IFT80: variants seen among roughly 807,000 people sequenced by gnomAD.
IFT80 encodes intraflagellar transport protein 80 homolog.
A neutral mutation model predicts 107.9 loss-of-function variants in IFT80; 79 were observed. The observed-to-expected ratio is 0.73, with a 90% confidence interval of 0.61 to 0.88. The LOEUF (loss-of-function observed/expected upper bound fraction) is 0.88, where lower values mean the gene tolerates loss of function less well. Ranked by LOEUF, IFT80 falls within the 40% of genes least tolerant of loss-of-function variation. The probability of loss-of-function intolerance (pLI) is 0.00; values close to 1 mark genes in which losing one functional copy is unlikely to be tolerated. For synonymous variants in IFT80, 299 were observed against 300.9 expected, an observed-to-expected ratio of 0.99 and a Z score of 0.07; for missense variants, 797 against 914.2, an observed-to-expected ratio of 0.87 and a Z score of 1.65.
chr3:160,275,344 T>C (rs536865645), intron 18 of IFT80, among the ~76,000 whole-genome samples: 9 of 152,300 alleles, frequency 5.9e-5, no homozygotes, highest in African/African-American at 1.9e-4. Flanking sequence ...AAAATGATTA[T>C]TAATGGTCAC....
chr3:160,311,644 T>G (rs1206427168), intron 9 of IFT80, among the ~76,000 whole-genome samples: 1 of 151,868 alleles, frequency 6.6e-6, no homozygotes, highest in Non-Finnish European at 1.5e-5. Flanking sequence ...GAAGAGGAGG[T>G]TGTAGTGGTC....
chr3:160,349,585 C>A (rs1414308520), intron 8 of IFT80, among the ~76,000 whole-genome samples: 1 of 152,032 alleles, frequency 6.6e-6, no homozygotes, highest in Admixed American at 6.6e-5. Context: ...TCTTATATAT[C>A]TGATATTGAA....
In IFT80 at chr3:160,341,072, T is replaced by C. The variant is rs562898198; in HGVS notation, c.777+14941A>G. On this transcript the variant is annotated intron_variant, in intron 8 of 19. Transcript: ENST00000326448. ...CTCTGTCACCCATGCTGGAGTGCAGTGGCACAATCATGGCTTACTGCAGCC... is the reference window on the plus strand; with the variant it reads ...CTCTGTCACCCATGCTGGAGTGCAGCGGCACAATCATGGCTTACTGCAGCC... Among the ~76,000 whole-genome samples, 14 of 152,202 alleles carry C rather than the reference T, an allele frequency of 9.2e-5. No homozygotes were observed. In the South Asian group the frequency reaches 2.7e-3, roughly 29 times the overall value.
chr3:160,287,153 G>A (rs1715153390), intron 12 of IFT80, among the ~76,000 whole-genome samples: 1 of 152,204 alleles, frequency 6.6e-6, no homozygotes, highest in Non-Finnish European at 1.5e-5. Context: ...GATGAGCTGG[G>A]AAGGTGATGT....
chr3:160,315,289 C>T (rs1451351786), intron 9 of IFT80, among the ~76,000 whole-genome samples: 1 of 152,176 alleles, frequency 6.6e-6, no homozygotes, highest in Non-Finnish European at 1.5e-5. Flanking sequence ...TATGCATTGT[C>T]TCCAGTGAGC....
intron 1 of IFT80, among the ~76,000 whole-genome samples, chr3:160,387,539 C>G (rs1181323564): frequency 6.6e-6 from 1 of 151,966 alleles, no homozygotes; most frequent in Non-Finnish European, 1.5e-5. Context: ...TAAAAAATGA[C>G]TGTAAAGTTT....
intron 3 of IFT80, among the ~76,000 whole-genome samples, chr3:160,381,266 T>TATATATATA (rs1553766638): frequency 1.3e-4 from 9 of 70,662 alleles, no homozygotes; most frequent in Non-Finnish European, 2.4e-4. Flanking sequence ...ATATATATAT[T>TATATATATA]AAAGCCAAAG....
intron 12 of IFT80, among the ~76,000 whole-genome samples, chr3:160,297,977 T>A (rs532750109): frequency 4.6e-5 from 7 of 152,234 alleles, no homozygotes; most frequent in African/African-American, 1.4e-4. Flanking sequence ...GAGTAACTAC[T>A]CCCCAACTTC....
intron 6 of IFT80, among the ~76,000 whole-genome samples, chr3:160,358,523 T>C (rs1448739922): frequency 6.6e-6 from 1 of 152,126 alleles, no homozygotes; most frequent in Non-Finnish European, 1.5e-5. Context: ...CATTCATTCT[T>C]TGGTATACAG....
At chr3:160,350,030 ATAAC>A (rs1314359743) in intron 8 of IFT80, among the ~76,000 whole-genome samples, 2 of 152,200 alleles carry the variant, frequency 1.3e-5, no homozygotes, top group East Asian at 1.9e-4. Context: ...CTATAATTAA[ATAAC>A]TGAGTGTATA....
Position 160,299,395 on chromosome 3 carries a change from G to T in IFT80, c.1315+1488C>A, listed in dbSNP as rs185837124. 1.9e-4 allele frequency: 41 copies of T among 220,014 alleles called. No homozygotes were observed. In the Admixed American group the frequency reaches 2.3e-3, roughly 12 times the overall value. 13.6% of individuals were successfully genotyped at this position (220,014 alleles called of 1,614,324 possible). On this transcript the variant is annotated intron_variant, in intron 12 of 19. Coordinates refer to ENST00000326448, the MANE Select transcript of IFT80 (RefSeq NM_020800.3). ...GGACAGTTTCTAGTTCATGAATTAG[G>T]TCTTCCGTGGTGTGAACTAACAAAA...
intron 2 of IFT80, chr3:160,383,357 T>A (rs1712676829): frequency 1.6e-6 from 1 of 631,856 alleles, no homozygotes; most frequent in South Asian, 7.1e-5. Context: ...GTAAAAACTA[T>A]TTAAGGGGGA....
chr3:160,345,485 G>A (rs1359510276), intron 8 of IFT80, among the ~76,000 whole-genome samples: 5 of 152,098 alleles, frequency 3.3e-5, no homozygotes, highest in East Asian at 3.9e-4. Flanking sequence ...TCAAGAGTTC[G>A]AGACCAGCCT....
rs528819469 is a variant in IFT80, at chr3:160,376,284, T to C, written c.371-404A>G. On this transcript the variant is annotated intron_variant, in intron 4 of 19. Coordinates refer to ENST00000326448, the MANE Select transcript of IFT80 (RefSeq NM_020800.3). ...AAATTCCAGTGAGTTGGGGACTGAATGAAGTGAGGTAATAGACTACTCTTT... is the reference window on the plus strand; with the variant it reads ...AAATTCCAGTGAGTTGGGGACTGAACGAAGTGAGGTAATAGACTACTCTTT... 5.9e-5 allele frequency among the ~76,000 whole-genome samples: 9 copies of C among 152,322 alleles called. No individual in the cohort carries two copies. The South Asian group carries it at 1.9e-3, about 32-fold the overall frequency.
chr3:160,279,369 T>TG lies in IFT80; in HGVS notation c.1665-6dup, dbSNP rs776932992. The TG allele has an allele frequency of 3.1e-6, 5 of 1,611,230 alleles. No individual in the cohort carries two copies. The South Asian group carries it at 3.3e-5, about 11-fold the overall frequency. ...TGGGGATTTTTACTAAATTCACTGT[T>TG]GAAAAAAAAAGCAAAGTACAATTTA... On this transcript the variant is annotated splice_region_variant and splice_polypyrimidine_tract_variant and intron_variant, in intron 15 of 19. Transcript: ENST00000326448.
At chr3:160,281,836 G>C (rs2108233376) in intron 14 of IFT80, among the ~76,000 whole-genome samples, 1 of 152,322 alleles carries the variant, frequency 6.6e-6, no homozygotes, top group East Asian at 1.9e-4. Context: ...CCACCCAAGG[G>C]AAGAATTAGG....
chr3:160,298,036 TG>T (rs1716124981), intron 12 of IFT80, among the ~76,000 whole-genome samples: 1 of 152,138 alleles, frequency 6.6e-6, no homozygotes, highest in Non-Finnish European at 1.5e-5. Context: ...AGCATATCTG[TG>T]CAAAGTGAAT....
In IFT80 at chr3:160,356,251, C is replaced by T. The variant is rs1216671525; in HGVS notation, c.640-101G>A. 4.9e-6 allele frequency: 5 copies of T among 1,021,546 alleles called. No homozygotes were observed. In the East Asian group the frequency reaches 1.1e-4, roughly 22 times the overall value. 63.3% of individuals were successfully genotyped at this position (1,021,546 alleles called of 1,614,324 possible). A position where few individuals can be genotyped will look rare whatever the true frequency, so the allele number is the denominator to read the frequency against. On this transcript the variant is annotated intron_variant, in intron 7 of 19. Coordinates refer to ENST00000326448, the MANE Select transcript of IFT80 (RefSeq NM_020800.3). ...TAAAATAAAAATGTTTTATAACAGA[C>T]ACCACATAAAAACAAGTTTGTCTTC...
At chr3:160,312,470 C>T (rs1244120323) in intron 9 of IFT80, among the ~76,000 whole-genome samples, 1 of 145,048 alleles carries the variant, frequency 6.9e-6, no homozygotes, top group African/African-American at 2.6e-5. Flanking sequence ...CCTTTCCTTG[C>T]CTGCTTCTGG....
Sources: gnomAD v4.1 joint callset for allele counts (sites outside exome capture counted in the v4.1 genomes callset) on GRCh38, gnomAD v4.1.1 for gene constraint, MANE v1.5 for transcripts, NCBI Gene and HGNC (gene_info 2026-07-23, HGNC 2026-07-21) for gene names.